The following WDR70 variants were observed in gnomAD, a reference collection of about 807,000 sequenced individuals.
The protein encoded by WDR70 is WD repeat-containing protein 70.
WDR70 carries 53 observed loss-of-function variants against 88.6 expected under a neutral mutation model. The ratio of observed to expected loss-of-function variants is 0.60; its 90% CI spans 0.48 to 0.75. The LOEUF is 0.75. WDR70 is among the 30% of genes least tolerant of loss of function. The pLI is 0.00. For synonymous variants in WDR70, 280 were observed against 270.0 expected, an observed-to-expected ratio of 1.04 and a Z score of -0.36; for missense variants, 610 against 823.2, an observed-to-expected ratio of 0.74 and a Z score of 3.17.
chr5:37,407,692 C>T (rs1022449324), intron 5 of WDR70, among the ~76,000 whole-genome samples: 11 of 151,034 alleles, frequency 7.3e-5, no homozygotes, highest in Admixed American at 5.3e-4. Flanking sequence ...TTTCCTTTTA[C>T]GCCTTTTGTC....
chr5:37,529,300 G>C (rs533872256), intron 9 of WDR70, among the ~76,000 whole-genome samples: 1 of 152,136 alleles, frequency 6.6e-6, no homozygotes, highest in African/African-American at 2.4e-5. Flanking sequence ...CTTTGGCTAT[G>C]TGGGCTCTTT....
intron 9 of WDR70, among the ~76,000 whole-genome samples, chr5:37,542,282 T>TC (rs201673096): frequency 2.0e-4 from 29 of 146,324 alleles, no homozygotes; most frequent in Middle Eastern, 3.5e-3. Context: ...TTCTTCTTCT[T>TC]TTTTTTTTTT....
intron 5 of WDR70, 35 bp downstream of exon 5, chr5:37,396,605 G>T: frequency 6.4e-7 from 1 of 1,556,950 alleles, no homozygotes; most frequent in Non-Finnish European, 8.7e-7. Context: ...GAATTCGGTG[G>T]AGTAATATCT....
At chr5:37,627,476 G>T (rs946734772) in intron 10 of WDR70, among the ~76,000 whole-genome samples, 1 of 151,496 alleles carries the variant, frequency 6.6e-6, no homozygotes, top group Non-Finnish European at 1.5e-5. Context: ...GGGTTTGTTT[G>T]TTTTTTTTCT....
At chr5:37,710,708 G>A (rs1030535744) in intron 13 of WDR70, among the ~76,000 whole-genome samples, 1 of 152,138 alleles carries the variant, frequency 6.6e-6, no homozygotes, top group South Asian at 2.1e-4. Context: ...GTGCCAAGCT[G>A]TATTACAGCC....
intron 10 of WDR70, among the ~76,000 whole-genome samples, chr5:37,682,409 G>A (rs1198872448): frequency 6.6e-6 from 1 of 151,740 alleles, no homozygotes; most frequent in Non-Finnish European, 1.5e-5. Flanking sequence ...GTTTTTTTGT[G>A]TGCCTCAATC....
intron 10 of WDR70, among the ~76,000 whole-genome samples, chr5:37,610,412 C>G (rs1232545975): frequency 6.6e-6 from 1 of 150,810 alleles, no homozygotes; most frequent in Non-Finnish European, 1.5e-5. Flanking sequence ...TGTAATTTTA[C>G]CTACATGAAA....
intron 11 of WDR70, among the ~76,000 whole-genome samples, chr5:37,698,480 TA>T (rs1251105479): frequency 2.1e-5 from 3 of 139,978 alleles, no homozygotes; most frequent in Non-Finnish European, 1.6e-5. Context: ...AAATATCACA[TA>T]AGGAAAAGAA....
At chr5:37,563,412 G>A (rs111447296) in intron 9 of WDR70, among the ~76,000 whole-genome samples, 3 of 61,972 alleles carry the variant, frequency 4.8e-5, no homozygotes, top group East Asian at 7.8e-4. Flanking sequence ...GGATTGGGCG[G>A]CTGGCCGGGC....
chr5:37,470,652 A>G (rs565232582), intron 7 of WDR70, among the ~76,000 whole-genome samples: 6 of 152,318 alleles, frequency 3.9e-5, no homozygotes, highest in Middle Eastern at 3.4e-3. Context: ...TTTATAGCAG[A>G]AATTTGTACA....
intron 5 of WDR70, among the ~76,000 whole-genome samples, chr5:37,427,882 G>T (rs576697488): frequency 1.3e-5 from 2 of 151,992 alleles, no homozygotes; most frequent in African/African-American, 2.4e-5. Context: ...AAAAGAAAAA[G>T]ATACATTTCC....
intron 7 of WDR70, among the ~76,000 whole-genome samples, chr5:37,461,659 A>G (rs1365332175): frequency 6.6e-6 from 1 of 151,736 alleles, no homozygotes. Flanking sequence ...AATTTTTTGT[A>G]TTTTTAGTAG....
chr5:37,671,185 G>T (rs1448667322), intron 10 of WDR70, among the ~76,000 whole-genome samples: 1 of 152,154 alleles, frequency 6.6e-6, no homozygotes, highest in Non-Finnish European at 1.5e-5. Flanking sequence ...CTATTGAGAG[G>T]TCATAGGGAT....
intron 7 of WDR70, among the ~76,000 whole-genome samples, chr5:37,475,529 C>T (rs534458911): frequency 4.6e-5 from 7 of 152,304 alleles, no homozygotes; most frequent in Middle Eastern, 6.8e-3. Flanking sequence ...TGAGCCACCA[C>T]GCCTGGCCCT....
chr5:37,623,567 T>G (rs1744576543), intron 10 of WDR70, among the ~76,000 whole-genome samples: 2 of 152,190 alleles, frequency 1.3e-5, no homozygotes, highest in African/African-American at 4.8e-5. Flanking sequence ...TTTAAATTAT[T>G]TGGAACTTTT....
intron 7 of WDR70, among the ~76,000 whole-genome samples, chr5:37,463,088 A>G (rs1003450173): frequency 3.3e-5 from 5 of 152,106 alleles, no homozygotes; most frequent in African/African-American, 1.2e-4. Context: ...CCTGACCAAC[A>G]TGGCGAAACC....
In WDR70 at chr5:37,409,066, G is replaced by A. The variant is rs144496438; in HGVS notation, c.492+12496G>A. 2.9e-3 allele frequency among the ~76,000 whole-genome samples: 434 copies of A among 152,178 alleles called. 2 individuals are homozygous for A. Among genetic ancestry groups the A allele is most frequent in the African/African-American group, 0.01 (423 of 41,524 alleles). ...TGATTCTCCTGCCTGAGCCTCCCGAGTAGCTGGGATTACAGGCACCTGCTA... is the reference window on the plus strand; with the variant it reads ...TGATTCTCCTGCCTGAGCCTCCCGAATAGCTGGGATTACAGGCACCTGCTA... On this transcript the variant is annotated intron_variant, in intron 5 of 17. Coordinates refer to ENST00000265107, the MANE Select transcript of WDR70 (RefSeq NM_018034.4).
chr5:37,602,956 G>A (rs1298603735), intron 9 of WDR70, among the ~76,000 whole-genome samples: 3 of 152,150 alleles, frequency 2.0e-5, no homozygotes, highest in East Asian at 1.9e-4. Context: ...CAGCCTGGGC[G>A]ATAGAGCGAG....
chr5:37,435,558 GA>G (rs1292240328), intron 5 of WDR70, among the ~76,000 whole-genome samples: 2 of 152,022 alleles, frequency 1.3e-5, no homozygotes, highest in African/African-American at 2.4e-5. Context: ...TCTTTGTCTT[GA>G]AAAAAACTGC....
Sources: allele counts gnomAD v4.1 joint callset (sites outside exome capture counted in the v4.1 genomes callset), GRCh38; gene constraint gnomAD v4.1.1; transcripts MANE v1.5; gene names NCBI Gene and HGNC (gene_info 2026-07-23, HGNC 2026-07-21).